The following LAMA5 variants were observed in gnomAD, a reference collection of about 807,000 sequenced individuals.
LAMA5 encodes the protein laminin subunit alpha-5.
In LAMA5, 260 loss-of-function variants were observed where a neutral mutation model predicts 433.4. That is an observed-to-expected ratio of 0.60 (90% CI 0.54 to 0.66). The LOEUF (loss-of-function observed/expected upper bound fraction) is 0.66. Among genes scored for constraint, LAMA5 ranks in the 30% least tolerant of loss-of-function variants. The probability of loss-of-function intolerance (pLI) is 0.00; values close to 1 mark genes in which losing one functional copy is unlikely to be tolerated. For synonymous variants in LAMA5, 2,620 were observed against 2,226.6 expected, an observed-to-expected ratio of 1.18 and a Z score of -4.97; for missense variants, 5,378 against 5,258.5, an observed-to-expected ratio of 1.02 and a Z score of -0.70.
chr20:62,337,005 G>A (rs762405193), intron 16 of LAMA5: 46 of 684,970 alleles, frequency 6.7e-5, no homozygotes, highest in Middle Eastern at 2.3e-4. Context: ...GGACATGCAC[G>A]CAAACGTGCA....
At chr20:62,351,281 A>C in intron 6 of LAMA5, 8 of 242,528 alleles carry the variant, frequency 3.3e-5, no homozygotes, top group Non-Finnish European at 5.7e-5. Context: ...CCCAAAGTGA[A>C]TTAGGGCTGC....
At chr20:62,331,380 T>C (rs999764698) in intron 28 of LAMA5, among the ~76,000 whole-genome samples, 2 of 150,990 alleles carry the variant, frequency 1.3e-5, no homozygotes, top group Non-Finnish European at 2.9e-5. Flanking sequence ...AACCCAGGCG[T>C]CCGACCGAGC....
chr20:62,357,581 C>T (rs1985433640), intron 2 of LAMA5, among the ~76,000 whole-genome samples: 1 of 152,184 alleles, frequency 6.6e-6, no homozygotes, highest in Admixed American at 6.5e-5. Flanking sequence ...ATCAGGGGTC[C>T]GGAAACGTGC....
chr20:62,350,503 G>A (rs1457157638), intron 6 of LAMA5, among the ~76,000 whole-genome samples: 1 of 152,160 alleles, frequency 6.6e-6, no homozygotes, highest in Non-Finnish European at 1.5e-5. Flanking sequence ...TGTCCTGTCT[G>A]AGCTCCACCC....
At chr20:62,328,079 C>A (rs2146167808) in intron 35 of LAMA5, 69 bp from the exon 36 acceptor site, 3 of 1,589,256 alleles carry the variant, frequency 1.9e-6, no homozygotes, top group Non-Finnish European at 2.6e-6. Flanking sequence ...ACCTCGTAGG[C>A]ACCCCCCACC....
In LAMA5 at chr20:62,320,858, C is replaced by T; in HGVS notation, c.6529G>A (p.Asp2177Asn). 3.1e-6 allele frequency: 5 copies of T among 1,611,934 alleles called. No individual in the cohort carries two copies. Among genetic ancestry groups the T allele is most frequent in the Non-Finnish European group, 4.2e-6 (5 of 1,179,594 alleles). Reference protein sequence around the residue: ...CDHCVVLLLDDLERAGALLPA... With the variant: ...CDHCVVLLLDNLERAGALLPA... ...AGGAGGGCGCCGGCCCGTTCCAGGTCATCCAGGAGCAGGACCACACAGTGG... is the reference window on the plus strand; with the variant it reads ...AGGAGGGCGCCGGCCCGTTCCAGGTTATCCAGGAGCAGGACCACACAGTGG... The change falls in exon 49 of 80, where the codon GAC (aspartate) becomes AAC (asparagine). Residue 2177 changes from aspartate to asparagine, a missense_variant. Physicochemically the swap from Asp to Asn is conservative, Grantham distance 23. Coordinates refer to ENST00000252999, the MANE Select transcript of LAMA5 (RefSeq NM_005560.6).
rs771244137 is a variant in LAMA5 at position 62,333,099 on chromosome 20, C to T, written c.3273G>A (p.Thr1091=). Residue 1091 remains threonine (T), a synonymous_variant, in exon 26 of 80, where the codon ACG becomes ACA. Coordinates refer to ENST00000252999, the MANE Select transcript of LAMA5 (RefSeq NM_005560.6). ...SPSHPPLITC[T]GSDVDVQLQV... is the part of the protein sequence containing the mutation. ...GTCCCAGGACACGCACATCACTGCC[C>T]GTGCAGGTGATCAGTGGCGGGTGCG... 53 of 1,505,690 alleles carry T rather than the reference C, an allele frequency of 3.5e-5. No individual in the cohort carries two copies. In the Admixed American group the frequency reaches 5.4e-4, roughly 15 times the overall value. 93.3% of individuals were successfully genotyped at this position (1,505,690 alleles called of 1,614,324 possible).
In LAMA5 at chr20:62,313,597, G is replaced by A. The variant is rs1026151186; in HGVS notation, c.8658+52C>T. The A allele has an allele frequency of 2.9e-5, 46 of 1,601,108 alleles. No individual in the cohort carries two copies. In the African/African-American group the frequency reaches 4.8e-4, roughly 17 times the overall value. On this transcript the variant is annotated intron_variant, in intron 63 of 79. Transcript: ENST00000252999. ...ACCCGCGGCTCTCCAGGACACAAGC[G>A]ACTCGGGGCTGCGGAGCCCCTCCCA...
At chr20:62,331,203 GGGGT>G (rs1980349381) in intron 28 of LAMA5, 74 bp from the exon 29 acceptor site, 1 of 435,486 alleles carries the variant, frequency 2.3e-6, no homozygotes, top group Non-Finnish European at 3.7e-6. Flanking sequence ...GTACGATGGG[GGGGT>G]GCAGGCGGTA....
At chr20:62,316,500 C>T (rs537894615) in intron 57 of LAMA5, among the ~76,000 whole-genome samples, 171 bp downstream of exon 57, 1 of 152,216 alleles carries the variant, frequency 6.6e-6, no homozygotes, top group African/African-American at 2.4e-5. Flanking sequence ...CTGCAGGGCT[C>T]CCCGGGGCTG....
intron 32 of LAMA5, 119 bp from the exon 33 acceptor site, chr20:62,329,372 A>G: frequency 1.8e-6 from 1 of 569,796 alleles, no homozygotes; most frequent in Non-Finnish European, 2.9e-6. Context: ...GCAGCAGCCC[A>G]GCCCAGCCCA....
intron 3 of LAMA5, among the ~76,000 whole-genome samples, chr20:62,352,592 C>G (rs1437812551): frequency 6.6e-6 from 1 of 152,076 alleles, no homozygotes. Flanking sequence ...CCTCGACGAC[C>G]ATCCTCACCC....
chr20:62,316,311 G>A (rs2146072295), intron 57 of LAMA5: 1 of 568,920 alleles, frequency 1.8e-6, no homozygotes, highest in East Asian at 2.9e-5. Context: ...TAGAGGCTCA[G>A]AAGAGACAGC....
At chr20:62,320,416 AACCC>A in intron 50 of LAMA5, 139 bp downstream of exon 50, 2 of 622,678 alleles carry the variant, frequency 3.2e-6, no homozygotes, top group Admixed American at 5.7e-5. Context: ...TGACTTGGTC[AACCC>A]CTAAGACTCT....
chr20:62,319,732 C>G lies in LAMA5; in HGVS notation c.6823G>C (p.Ala2275Pro). 1 of 1,549,078 alleles carries G rather than the reference C, an allele frequency of 6.5e-7. No homozygotes were observed. Among genetic ancestry groups the G allele is most frequent in the Non-Finnish European group, 8.7e-7 (1 of 1,147,678 alleles). ...LAGTEATLGH[A>P]KTLLAAIRAV... is the part of the protein sequence containing the mutation. ...CGGATGGCCGCCAACAGCGTCTTCGCATGGCCCAGTGTGGCCTCGGTGCCG... is the reference window on the plus strand; with the variant it reads ...CGGATGGCCGCCAACAGCGTCTTCGGATGGCCCAGTGTGGCCTCGGTGCCG... Residue 2275 changes from alanine to proline, a missense_variant, in exon 51 of 80, where the codon GCG (alanine) becomes CCG (proline). Physicochemically the swap from Ala to Pro is conservative, Grantham distance 27. Coordinates refer to ENST00000252999, the MANE Select transcript of LAMA5 (RefSeq NM_005560.6).
Position 62,337,624 on chromosome 20 carries a change from A to G in LAMA5, c.2130T>C (p.Cys710=), listed in dbSNP as rs150289353. Residue 710 remains cysteine (C), a synonymous_variant, in exon 16 of 80, where the codon TGT becomes TGC. Transcript: ENST00000252999. ...PRVTGLRCDT[C]VPGAYNFPYC... ...AGGGGAAGTTGTAGGCACCGGGCAC[A>G]CATGTGTCACACCGCAGCCCCGTCA... 77 of 1,611,852 alleles carry G rather than the reference A, an allele frequency of 4.8e-5. 1 individual carries two copies. The African/African-American group carries it at 9.7e-4, about 20-fold the overall frequency.
intron 70 of LAMA5, 26 bp from the exon 71 acceptor site, chr20:62,311,810 G>T (rs751183016): frequency 1.3e-6 from 2 of 1,558,474 alleles, no homozygotes; most frequent in African/African-American, 1.4e-5. Flanking sequence ...CCGGAGGCTC[G>T]GTTTTTCCCC....
chr20:62,337,439 A>G, intron 16 of LAMA5, 151 bp downstream of exon 16: 1 of 1,073,114 alleles, frequency 9.3e-7, no homozygotes, highest in East Asian at 2.6e-5. Context: ...CGGCATGTGA[A>G]CAAGGTGCGA....
At position 62,332,710 on chromosome 20, in the gene LAMA5, A is replaced by G; in HGVS notation, c.3290T>C (p.Val1097Ala). The G allele has an allele frequency of 6.2e-7, 1 of 1,610,350 alleles. No homozygotes were observed. Among genetic ancestry groups the G allele is most frequent in the Non-Finnish European group, 8.5e-7 (1 of 1,178,982 alleles). The change falls in exon 27 of 80, where the codon GTC becomes GCC. Residue 1097 changes from valine (V) to alanine (A), a missense_variant. Val to Ala is a moderately conservative substitution (Grantham distance 64). Coordinates refer to ENST00000252999, the MANE Select transcript of LAMA5 (RefSeq NM_005560.6). ...CTGTGGCACTGCCACTTGAAGCTGG[A>G]CGTCCACCTGCAGGGAAGGCAGGGT... ...LITCTGSDVD[V>A]QLQVAVPQPG... is the part of the protein sequence containing the mutation.
Sources: allele counts gnomAD v4.1 joint callset (sites outside exome capture counted in the v4.1 genomes callset), GRCh38; gene constraint gnomAD v4.1.1; transcripts MANE v1.5; gene names NCBI Gene and HGNC (gene_info 2026-07-23, HGNC 2026-07-21).